TRAF3IP1: variants seen among roughly 807,000 people sequenced by gnomAD.
The protein encoded by TRAF3IP1 is intraflagellar transport 54.
TRAF3IP1 carries 53 observed loss-of-function variants against 89.9 expected under a neutral mutation model. The observed-to-expected ratio is 0.59, with a 90% CI of 0.47 to 0.74. The LOEUF (loss-of-function observed/expected upper bound fraction) is 0.74, where lower values mean the gene tolerates loss of function less well. Among genes scored for constraint, TRAF3IP1 ranks in the 30% least tolerant of loss-of-function variants. The pLI, the probability that TRAF3IP1 is intolerant of heterozygous loss-of-function variation, is 0.00. For missense variants in TRAF3IP1, 806 were observed against 866.1 expected, an observed-to-expected ratio of 0.93 and a Z score of 0.87; for synonymous variants, 311 against 322.1, an observed-to-expected ratio of 0.97 and a Z score of 0.37.
At chr2:238,348,650 T>A in intron 10 of TRAF3IP1, 114 bp from the exon 11 acceptor site, 4 of 886,634 alleles carry the variant, frequency 4.5e-6, no homozygotes, top group South Asian at 1.6e-5. Flanking sequence ...GTATTTGCAA[T>A]TACAAATGTA....
intron 12 of TRAF3IP1, among the ~76,000 whole-genome samples, chr2:238,350,155 G>T (rs1485471860): frequency 1.3e-5 from 2 of 152,168 alleles, no homozygotes; most frequent in Non-Finnish European, 2.9e-5. Context: ...TAAGAGGCAG[G>T]GATTGGAGGC....
chr2:238,334,408 T>C (rs1698286400), intron 7 of TRAF3IP1, among the ~76,000 whole-genome samples: 1 of 152,232 alleles, frequency 6.6e-6, no homozygotes, highest in Non-Finnish European at 1.5e-5. Context: ...ATAGAGCATG[T>C]AGGCAGATAA....
At chr2:238,330,170 G>A (rs1351865344) in intron 5 of TRAF3IP1, among the ~76,000 whole-genome samples, 1 of 152,202 alleles carries the variant, frequency 6.6e-6, no homozygotes, top group Non-Finnish European at 1.5e-5. Context: ...TGCATGTGGT[G>A]TCTTTAGGAG....
In TRAF3IP1 at chr2:238,397,461, G is replaced by A. The variant is rs1701278983; in HGVS notation, c.1692G>A (p.Glu564=). The A allele has an allele frequency of 6.2e-7, 1 of 1,612,794 alleles. No homozygotes were observed. The highest frequency in any genetic ancestry group is 1.7e-4 in the Middle Eastern group (1 of 6,058). ...LQQSPKPGEK[E]RSLFESAWKK... ...TTCCTATGTCTCCCTGACTGTAGGA[G>A]CGATCTCTCTTTGAGTCGGCATGGA... The change falls in exon 16 of 17, where the codon GAG becomes GAA. Residue 564 remains glutamate, a splice_region_variant and synonymous_variant. Coordinates refer to ENST00000373327, the MANE Select transcript of TRAF3IP1 (RefSeq NM_015650.4).
chr2:238,378,804 C>T (rs575136376), intron 15 of TRAF3IP1, among the ~76,000 whole-genome samples: 1 of 152,102 alleles, frequency 6.6e-6, no homozygotes, highest in South Asian at 2.1e-4. Flanking sequence ...GACCCCCCCC[C>T]AGGCCCCAGG....
At chr2:238,346,404 G>A (rs570759491) in intron 9 of TRAF3IP1, among the ~76,000 whole-genome samples, 10 of 152,294 alleles carry the variant, frequency 6.6e-5, no homozygotes, top group African/African-American at 2.2e-4. Context: ...GTGGCACTTT[G>A]TGGGGTGTGA....
intron 6 of TRAF3IP1, 64 bp downstream of exon 6, chr2:238,332,959 T>C: frequency 1.6e-6 from 2 of 1,262,740 alleles, no homozygotes; most frequent in Non-Finnish European, 2.3e-6. Flanking sequence ...TAGTGAATGC[T>C]GTGCGCTCCC....
rs1024296062 is a variant in TRAF3IP1 at position 238,380,583 on chromosome 2, G to A, written c.1690-16876G>A. On this transcript the variant is annotated intron_variant, in intron 15 of 16. Transcript: ENST00000373327. ...CATCTTCTTCTCGAGCATGTGGATG[G>A]ACTTGGAGGCTTGTTTCCAGGCTGT... is the stretch of plus-strand genomic sequence containing the variant. Among the ~76,000 whole-genome samples the A allele has an allele frequency of 2.0e-4, 30 of 152,156 alleles. 1 individual carries two copies. The highest frequency in any genetic ancestry group is 2.6e-4 in the Admixed American group (4 of 15,276).
intron 5 of TRAF3IP1, among the ~76,000 whole-genome samples, chr2:238,329,811 C>G (rs772241497): frequency 6.6e-6 from 1 of 152,120 alleles, no homozygotes; most frequent in East Asian, 1.9e-4. Flanking sequence ...TCATGAAACA[C>G]TGGATGGAAT....
intron 15 of TRAF3IP1, among the ~76,000 whole-genome samples, chr2:238,369,019 C>G (rs781547585): frequency 2.0e-5 from 3 of 152,104 alleles, no homozygotes; most frequent in Non-Finnish European, 4.4e-5. Context: ...TATACTCTTA[C>G]ATGATGCACC....
intron 7 of TRAF3IP1, among the ~76,000 whole-genome samples, chr2:238,334,989 C>G (rs1233679422): frequency 6.6e-6 from 1 of 152,162 alleles, no homozygotes; most frequent in South Asian, 2.1e-4. Context: ...TCCTTGTCAT[C>G]GCGTGTGAGT....
chr2:238,328,369 G>C (rs745861434), intron 3 of TRAF3IP1, among the ~76,000 whole-genome samples: 2 of 152,172 alleles, frequency 1.3e-5, no homozygotes, highest in Admixed American at 6.5e-5. Flanking sequence ...GGTATTTGTA[G>C]TAGAGTTGCA....
intron 12 of TRAF3IP1, 100 bp from the exon 13 acceptor site, chr2:238,352,727 G>A: frequency 8.6e-7 from 1 of 1,158,460 alleles, no homozygotes; most frequent in Non-Finnish European, 1.2e-6. Flanking sequence ...AGAGATGGTT[G>A]GTGATTAGAT....
intron 12 of TRAF3IP1, among the ~76,000 whole-genome samples, chr2:238,349,762 A>G (rs1699064075): frequency 6.6e-6 from 1 of 152,350 alleles, no homozygotes; most frequent in African/African-American, 2.4e-5. Context: ...AATTAAAAAT[A>G]GAAGGTGATC....
chr2:238,338,968 G>C (rs759649036), intron 8 of TRAF3IP1, among the ~76,000 whole-genome samples: 6 of 152,212 alleles, frequency 3.9e-5, no homozygotes, highest in Non-Finnish European at 7.3e-5. Flanking sequence ...TTCAGTATCA[G>C]TAACCACTGT....
intron 9 of TRAF3IP1, chr2:238,347,103 T>TC (rs1220451427): frequency 4.2e-6 from 1 of 239,344 alleles, no homozygotes; most frequent in Admixed American, 5.5e-5. Context: ...GACTGTTGCA[T>TC]CGTTCCCTCA....
intron 15 of TRAF3IP1, among the ~76,000 whole-genome samples, chr2:238,392,020 A>G (rs1574977643): frequency 1.3e-5 from 2 of 152,176 alleles, no homozygotes; most frequent in South Asian, 2.1e-4. Context: ...GGCATTTTAT[A>G]TAGCCTTTTA....
chr2:238,325,145 T>C (rs1289935612), intron 1 of TRAF3IP1, among the ~76,000 whole-genome samples, 161 bp from the exon 2 acceptor site: 5 of 152,344 alleles, frequency 3.3e-5, no homozygotes, highest in Non-Finnish European at 5.9e-5. Context: ...GCTTCTGCCC[T>C]GCACAGCACG....
At chr2:238,395,408 A>T (rs1337525353) in intron 15 of TRAF3IP1, among the ~76,000 whole-genome samples, 1 of 152,236 alleles carries the variant, frequency 6.6e-6, no homozygotes, top group Non-Finnish European at 1.5e-5. Flanking sequence ...ACTACATGTT[A>T]GACCTAAAAC....
Sources: gnomAD v4.1 joint callset for allele counts (sites outside exome capture counted in the v4.1 genomes callset) on GRCh38, gnomAD v4.1.1 for gene constraint, MANE v1.5 for transcripts, NCBI Gene and HGNC (gene_info 2026-07-23, HGNC 2026-07-21) for gene names.